The following TFDP1 variants were observed in gnomAD, a reference collection of about 807,000 sequenced individuals.
TFDP1 encodes DRTF1-polypeptide 1.
Under a neutral mutation model 48.0 loss-of-function variants are expected in TFDP1, and 6 were observed. The ratio of observed to expected loss-of-function variants is 0.13; its 90% confidence interval spans 0.07 to 0.25. The LOEUF is 0.25. Among genes scored for constraint, TFDP1 ranks in the 10% least tolerant of loss-of-function variants. The pLI, the probability that TFDP1 is intolerant of heterozygous loss-of-function variation, is 1.00. For missense variants in TFDP1, 335 were observed against 543.0 expected, an observed-to-expected ratio of 0.62 and a Z score of 3.81; for synonymous variants, 201 against 211.6, an observed-to-expected ratio of 0.95 and a Z score of 0.44.
chr13:113,615,359 G>A (rs1334188935), intron 3 of TFDP1, among the ~76,000 whole-genome samples: 2 of 152,210 alleles, frequency 1.3e-5, no homozygotes, highest in Admixed American at 1.3e-4. Context: ...CCGCAGTGCT[G>A]ATAGGAGCTT....
chr13:113,639,036 C>T (rs1008676644), intron 11 of TFDP1, among the ~76,000 whole-genome samples: 2 of 152,166 alleles, frequency 1.3e-5, no homozygotes, highest in Admixed American at 6.5e-5. Flanking sequence ...AGTGCAAAGC[C>T]AGCCTTGGCC....
At chr13:113,589,648 T>TG (rs1254705084) in intron 2 of TFDP1, among the ~76,000 whole-genome samples, 3 of 151,972 alleles carry the variant, frequency 2.0e-5, no homozygotes, top group Non-Finnish European at 2.9e-5. Context: ...GGGCTCCCGT[T>TG]GCAGGTACCG....
intron 4 of TFDP1, among the ~76,000 whole-genome samples, chr13:113,625,037 C>G (rs867047787): frequency 7.2e-6 from 1 of 138,864 alleles, no homozygotes; most frequent in Non-Finnish European, 1.5e-5. Context: ...AGGTGTTTCT[C>G]AGGTGTCTCT....
intron 3 of TFDP1, among the ~76,000 whole-genome samples, chr13:113,618,957 A>G (rs1433597758): frequency 2.0e-5 from 3 of 152,202 alleles, no homozygotes; most frequent in African/African-American, 7.2e-5. Flanking sequence ...ACATCCTGGA[A>G]AAGTATGAAA....
chr13:113,618,112 T>C (rs1202419465), intron 3 of TFDP1, among the ~76,000 whole-genome samples: 1 of 152,250 alleles, frequency 6.6e-6, no homozygotes, highest in Non-Finnish European at 1.5e-5. Flanking sequence ...CATGTCTTCA[T>C]GTGACTCAGC....
At chr13:113,613,587 AGT>A (rs67914818) in intron 3 of TFDP1, among the ~76,000 whole-genome samples, 27,723 of 104,038 alleles carry the variant, frequency 0.27, 3,965 homozygotes, top group East Asian at 0.54. Context: ...TGTGTGCATG[AGT>A]GTGTGTGTGT....
At chr13:113,608,647 T>C (rs1478589921) in intron 2 of TFDP1, among the ~76,000 whole-genome samples, 1 of 152,200 alleles carries the variant, frequency 6.6e-6, no homozygotes, top group Non-Finnish European at 1.5e-5. Flanking sequence ...GGCCTTACCC[T>C]TCTGGCCTTA....
intron 2 of TFDP1, among the ~76,000 whole-genome samples, chr13:113,599,815 TGA>T (rs1309442352): frequency 6.6e-6 from 1 of 151,188 alleles, no homozygotes; most frequent in Non-Finnish European, 1.5e-5. Context: ...CCCAGGACCG[TGA>T]GAGAGAACCC....
intron 4 of TFDP1, among the ~76,000 whole-genome samples, chr13:113,626,829 C>T (rs113811414): frequency 6.6e-6 from 1 of 152,144 alleles, no homozygotes; most frequent in Non-Finnish European, 1.5e-5. Context: ...ACTAGGAATT[C>T]TAAGTTTGAT....
At chr13:113,625,571 TC>T (rs2049134552) in intron 4 of TFDP1, among the ~76,000 whole-genome samples, 3 of 89,702 alleles carry the variant, frequency 3.3e-5, no homozygotes, top group Non-Finnish European at 6.8e-5. Flanking sequence ...CTCTCACGTG[TC>T]CTCAGGTGTT....
At chr13:113,605,562 G>C (rs2048543197) in intron 2 of TFDP1, among the ~76,000 whole-genome samples, 1 of 152,202 alleles carries the variant, frequency 6.6e-6, no homozygotes. Flanking sequence ...TTGAGATGTT[G>C]CCCAGCTCTG....
chr13:113,625,113 C>T (rs1192540276), intron 4 of TFDP1, among the ~76,000 whole-genome samples: 2 of 104,156 alleles, frequency 1.9e-5, no homozygotes, highest in Non-Finnish European at 3.7e-5. Context: ...GTGTCTCTCA[C>T]GTGTCCTCAG....
chr13:113,610,455 G>A (rs1311739924), intron 2 of TFDP1, among the ~76,000 whole-genome samples: 1 of 150,162 alleles, frequency 6.7e-6, no homozygotes, highest in Non-Finnish European at 1.5e-5. Context: ...CCGCTGTGTG[G>A]CTGTGCCATC....
intron 4 of TFDP1, among the ~76,000 whole-genome samples, chr13:113,630,320 GTC>G (rs1474240644): frequency 6.6e-6 from 1 of 152,230 alleles, no homozygotes; most frequent in Non-Finnish European, 1.5e-5. Flanking sequence ...ACTCTGATGA[GTC>G]TCTGATCATC....
In TFDP1 at chr13:113,636,147, G is replaced by A. The variant is rs1566678277; in HGVS notation, c.839+19G>A. The stretch of plus-strand genomic sequence containing the variant: ...ATGACAAGTAGGTTGTGGGCGGGGA[G>A]CTGTTCCCTGGTCACCCATCTCTTT... On this transcript the variant is annotated intron_variant, in intron 9 of 11. Coordinates refer to ENST00000375370, the MANE Select transcript of TFDP1 (RefSeq NM_007111.5). The A allele has an allele frequency of 6.2e-7, 1 of 1,613,228 alleles. No individual in the cohort carries two copies.
At chr13:113,618,629 T>G (rs1036080051) in intron 3 of TFDP1, among the ~76,000 whole-genome samples, 2 of 152,222 alleles carry the variant, frequency 1.3e-5, no homozygotes, top group African/African-American at 4.8e-5. Flanking sequence ...TGGCCTGGAA[T>G]GACCACTTGG....
chr13:113,617,156 G>T (rs2048878582), intron 3 of TFDP1, among the ~76,000 whole-genome samples: 2 of 152,192 alleles, frequency 1.3e-5, no homozygotes, highest in African/African-American at 2.4e-5. Flanking sequence ...GGCACAGTAG[G>T]TGTGTGATTT....
chr13:113,606,249 C>T (rs901407030), intron 2 of TFDP1, among the ~76,000 whole-genome samples: 4 of 151,828 alleles, frequency 2.6e-5, no homozygotes, highest in Non-Finnish European at 4.4e-5. Context: ...GGTGAGTGTC[C>T]GCAGGGGAGC....
At chr13:113,634,148 C>T (rs1305492947) in intron 7 of TFDP1, 115 bp downstream of exon 7, 1 of 1,457,170 alleles carries the variant, frequency 6.9e-7, no homozygotes, top group Non-Finnish European at 9.6e-7. Context: ...CTGTGTCCGG[C>T]TGGCAGACGG....
Sources: allele counts gnomAD v4.1 joint callset (sites outside exome capture counted in the v4.1 genomes callset), GRCh38; gene constraint gnomAD v4.1.1; transcripts MANE v1.5; gene names NCBI Gene and HGNC (gene_info 2026-07-23, HGNC 2026-07-21).